The following TEAD1 variants were observed in gnomAD, a reference collection of about 807,000 sequenced individuals.
TEAD1 encodes the protein transcriptional enhancer factor TEF-1.
TEAD1 carries 9 observed loss-of-function variants against 54.9 expected under a neutral mutation model. The observed-to-expected ratio is 0.16, with a 90% CI of 0.10 to 0.29. TEAD1 has a LOEUF of 0.29. Among genes scored for constraint, TEAD1 ranks in the 10% least tolerant of loss-of-function variants. The probability of loss-of-function intolerance (pLI) is 1.00; values close to 1 mark genes in which losing one functional copy is unlikely to be tolerated. For synonymous variants in TEAD1, 200 were observed against 187.8 expected (o/e 1.07, Z -0.53); for missense variants, 387 against 535.9 (o/e 0.72, Z 2.74).
intron 2 of TEAD1, among the ~76,000 whole-genome samples, chr11:12,745,224 A>G (rs2133897877): frequency 6.6e-6 from 1 of 152,290 alleles, no homozygotes; most frequent in South Asian, 2.1e-4. Flanking sequence ...ATTATTAAAG[A>G]TCTTTTAGCA....
chr11:12,767,328 C>T (rs1945227358), intron 3 of TEAD1, among the ~76,000 whole-genome samples: 1 of 152,128 alleles, frequency 6.6e-6, no homozygotes, highest in Non-Finnish European at 1.5e-5. Context: ...TACTTTTTTT[C>T]TAAGGGTTCT....
intron 3 of TEAD1, among the ~76,000 whole-genome samples, chr11:12,809,834 G>A (rs1946254904): frequency 6.6e-6 from 1 of 152,096 alleles, no homozygotes; most frequent in South Asian, 2.1e-4. Context: ...TACCTTGTAT[G>A]CTCCGAGCCC....
chr11:12,895,422 C>T (rs377156914), intron 9 of TEAD1, among the ~76,000 whole-genome samples: 3 of 152,242 alleles, frequency 2.0e-5, no homozygotes, highest in African/African-American at 7.2e-5. Context: ...TTTACTGGTG[C>T]AACATCTTTT....
At chr11:12,841,677 G>C (rs970864822) in intron 3 of TEAD1, among the ~76,000 whole-genome samples, 1 of 152,188 alleles carries the variant, frequency 6.6e-6, no homozygotes, top group Non-Finnish European at 1.5e-5. Context: ...TCAGTGTTTA[G>C]AGGGAAATGG....
At chr11:12,690,619 A>G (rs1424378031) in intron 2 of TEAD1, among the ~76,000 whole-genome samples, 1 of 152,196 alleles carries the variant, frequency 6.6e-6, no homozygotes, top group African/African-American at 2.4e-5. Context: ...TGATGCAAAT[A>G]TTTCATAGCT....
At chr11:12,925,080 T>G (rs762079373) in intron 11 of TEAD1, 28 bp downstream of exon 11, 1 of 1,613,358 alleles carries the variant, frequency 6.2e-7, no homozygotes, top group East Asian at 2.2e-5. Context: ...TACTGGAAAC[T>G]TCATTCAAGG....
chr11:12,681,794 C>G (rs1370441968), intron 2 of TEAD1, among the ~76,000 whole-genome samples: 2 of 152,256 alleles, frequency 1.3e-5, no homozygotes, highest in African/African-American at 4.8e-5. Context: ...TCTCACTCAC[C>G]TTTCCAGGCC....
intron 11 of TEAD1, among the ~76,000 whole-genome samples, chr11:12,928,584 A>G (rs1236411404): frequency 2.0e-5 from 3 of 152,116 alleles, no homozygotes; most frequent in African/African-American, 4.8e-5. Context: ...ACCTTTTTCA[A>G]TAACCTGTTT....
chr11:12,831,836 A>G (rs1161889714), intron 3 of TEAD1, among the ~76,000 whole-genome samples: 3 of 152,168 alleles, frequency 2.0e-5, no homozygotes, highest in Non-Finnish European at 4.4e-5. Context: ...ATATTGCACA[A>G]TAATACATTT....
At chr11:12,679,284 A>G (rs1419401644) in intron 2 of TEAD1, among the ~76,000 whole-genome samples, 2 of 152,120 alleles carry the variant, frequency 1.3e-5, no homozygotes, top group South Asian at 4.2e-4. Context: ...AATGCTTTCT[A>G]TCCTTTTTCG....
chr11:12,688,482 G>A (rs1249049733), intron 2 of TEAD1, among the ~76,000 whole-genome samples: 2 of 152,084 alleles, frequency 1.3e-5, no homozygotes, highest in African/African-American at 4.8e-5. Flanking sequence ...GACTTTCCCC[G>A]CTTCCCAACT....
chr11:12,764,513 C>A, intron 3 of TEAD1, 79 bp downstream of exon 3: 1 of 1,523,352 alleles, frequency 6.6e-7, no homozygotes, highest in Non-Finnish European at 9.1e-7. Context: ...GGTCTTCCAG[C>A]AAGAGCTGTT....
chr11:12,691,020 A>T (rs1943446537), intron 2 of TEAD1, among the ~76,000 whole-genome samples: 1 of 152,166 alleles, frequency 6.6e-6, no homozygotes, highest in South Asian at 2.1e-4. Flanking sequence ...CAAATTGCTG[A>T]GATTACAGGC....
chr11:12,890,762 G>C (rs1416406527), intron 9 of TEAD1, among the ~76,000 whole-genome samples: 1 of 152,172 alleles, frequency 6.6e-6, no homozygotes, highest in African/African-American at 2.4e-5. Context: ...ACAGGAGTCA[G>C]AATATTTTTC....
intron 2 of TEAD1, among the ~76,000 whole-genome samples, chr11:12,700,156 A>G (rs1943666701): frequency 6.6e-6 from 1 of 152,208 alleles, no homozygotes; most frequent in Non-Finnish European, 1.5e-5. Flanking sequence ...CTTTTTTTCT[A>G]TAATTAGAGA....
chr11:12,754,689 A>G (rs530476258), intron 2 of TEAD1, among the ~76,000 whole-genome samples: 2 of 152,286 alleles, frequency 1.3e-5, no homozygotes, highest in African/African-American at 4.8e-5. Flanking sequence ...AGATCCTGAG[A>G]GCACTGAATG....
At chr11:12,748,424 G>T (rs919017372) in intron 2 of TEAD1, among the ~76,000 whole-genome samples, 2 of 152,214 alleles carry the variant, frequency 1.3e-5, no homozygotes, top group Non-Finnish European at 2.9e-5. Context: ...CAGCTAGAAT[G>T]TTGGGGTTCT....
chr11:12,925,122 G>C, intron 11 of TEAD1, 70 bp downstream of exon 11: 1 of 1,569,258 alleles, frequency 6.4e-7, no homozygotes, highest in Admixed American at 1.7e-5. Context: ...AACCTTCCTT[G>C]GGGCAGAGAG....
intron 9 of TEAD1, among the ~76,000 whole-genome samples, chr11:12,900,471 T>C (rs1258570317): frequency 1.3e-5 from 2 of 152,210 alleles, no homozygotes; most frequent in Admixed American, 1.3e-4. Context: ...AGATCTAGGA[T>C]CCCTGATGAA....
Sources: gnomAD v4.1 joint callset for allele counts (sites outside exome capture counted in the v4.1 genomes callset) on GRCh38, gnomAD v4.1.1 for gene constraint, MANE v1.5 for transcripts, NCBI Gene and HGNC (gene_info 2026-07-23, HGNC 2026-07-21) for gene names.